Variants in NIPSNAP3B observed in about 807,000 individuals in gnomAD.
The protein encoded by NIPSNAP3B is protein NipSnap homolog 3B.
NIPSNAP3B carries 30 observed loss-of-function variants against 31.5 expected under a neutral mutation model. That is an observed-to-expected ratio of 0.95 (90% confidence interval 0.71 to 1.29). NIPSNAP3B has a LOEUF of 1.29. Among genes scored for constraint, NIPSNAP3B ranks in the 50% most tolerant of loss-of-function variants. The pLI, the probability that NIPSNAP3B is intolerant of heterozygous loss-of-function variation, is 0.00. For missense variants in NIPSNAP3B, 269 were observed against 300.7 expected (o/e 0.89, Z 0.78); for synonymous variants, 106 against 107.9 (o/e 0.98, Z 0.11).
chr9:104,783,815 A>G, the NIPSNAP3B span: 1 of 163,860 alleles, frequency 6.1e-6, no homozygotes, highest in Non-Finnish European at 1.3e-5. Flanking sequence ...AAAACTTGGC[A>G]CTAATAACTC....
the NIPSNAP3B span, chr9:104,787,903 T>C: frequency 1.9e-6 from 3 of 1,613,824 alleles, no homozygotes; most frequent in Non-Finnish European, 2.5e-6. Context: ...CAGTTTTCCA[T>C]CCACAGTTAT....
intron 1 of NIPSNAP3B, 30 bp downstream of exon 1, chr9:104,764,330 T>G (rs1199958579): frequency 6.5e-6 from 10 of 1,547,944 alleles, no homozygotes; most frequent in African/African-American, 1.4e-5. Context: ...GCCCGAGCCC[T>G]GGCCGGAGGG....
At chr9:104,764,344 G>T in intron 1 of NIPSNAP3B, 44 bp downstream of exon 1, 1 of 1,485,114 alleles carries the variant, frequency 6.7e-7, no homozygotes, top group South Asian at 1.2e-5. Context: ...CGGAGGGGAG[G>T]GGAGGGGCGG....
At chr9:104,778,396 A>C (rs1828381743), downstream of NIPSNAP3B, among the ~76,000 whole-genome samples, 1 of 151,978 alleles carries the variant, frequency 6.6e-6, no homozygotes, top group Admixed American at 6.6e-5. Context: ...ATGCCCAGCT[A>C]ATTTTTTTGT....
intron 3 of NIPSNAP3B, 146 bp from the exon 4 acceptor site, chr9:104,770,703 G>C (rs918729113): frequency 3.5e-6 from 2 of 578,116 alleles, no homozygotes; most frequent in Non-Finnish European, 6.0e-6. Flanking sequence ...AAATAATGCA[G>C]AGAATCAATA....
In NIPSNAP3B at chr9:104,774,985, C is replaced by T. The variant is rs1452355729; in HGVS notation, c.*1912C>T. On this transcript the variant is annotated 3_prime_UTR_variant, in exon 6 of 6. Coordinates refer to ENST00000374762, the MANE Select transcript of NIPSNAP3B (RefSeq NM_018376.4). ...CATAAGTTCCCACCCCGTCTGCCCGCTTTCTACAGCCAACCCCACATGCCC... is the reference window on the plus strand; with the variant it reads ...CATAAGTTCCCACCCCGTCTGCCCGTTTTCTACAGCCAACCCCACATGCCC... Among the ~76,000 whole-genome samples the T allele has an allele frequency of 2.6e-5, 4 of 152,168 alleles. No individual in the cohort carries two copies. Among genetic ancestry groups the T allele is most frequent in the African/African-American group, 9.6e-5 (4 of 41,526 alleles).
At chr9:104,788,713 C>T in the NIPSNAP3B span, 2 of 1,072,180 alleles carry the variant, frequency 1.9e-6, no homozygotes, top group Non-Finnish European at 2.8e-6. Flanking sequence ...AGCCTTTCTG[C>T]CCCCAGGATG....
chr9:104,789,184 C>A, the NIPSNAP3B span, among the ~76,000 whole-genome samples: 1 of 152,220 alleles, frequency 6.6e-6, no homozygotes, highest in Non-Finnish European at 1.5e-5. Flanking sequence ...TTAGCACCCC[C>A]AGGGTCAGCC....
At chr9:104,787,710 G>A in the NIPSNAP3B span, 1 of 334,294 alleles carries the variant, frequency 3.0e-6, no homozygotes, top group Non-Finnish European at 4.3e-6. Context: ...AGTGCTTGGA[G>A]TGCCTCTATT....
At chr9:104,766,111 T>TG (rs1169559191) in intron 1 of NIPSNAP3B, among the ~76,000 whole-genome samples, 2 of 152,202 alleles carry the variant, frequency 1.3e-5, no homozygotes, top group African/African-American at 4.8e-5. Context: ...GGTAGACCCC[T>TG]GCTAGGAAAC....
At position 104,764,289 on chromosome 9, in the gene NIPSNAP3B, C is replaced by T; in HGVS notation, c.49C>T (p.Leu17Phe). The stretch of plus-strand genomic sequence containing the variant: ...GACCAAGGCGCTTGCCTCACGGACG[C>T]TCGCGCCTCAGGTACTGGCCGCGGG... Reference protein sequence around the residue: ...GLTKALASRTLAPQVCSSFAT... With the variant: ...GLTKALASRTFAPQVCSSFAT... The change falls in exon 1 of 6, where the codon CTC (leucine) becomes TTC (phenylalanine). Residue 17 changes from leucine (L) to phenylalanine (F), a missense_variant. By Grantham distance (22) the Leu-to-Phe change is conservative (BLOSUM62 0). Coordinates refer to ENST00000374762, the MANE Select transcript of NIPSNAP3B (RefSeq NM_018376.4). 1 of 1,589,540 alleles carries T rather than the reference C, an allele frequency of 6.3e-7. No individual in the cohort carries two copies. Among genetic ancestry groups the T allele is most frequent in the Non-Finnish European group, 8.5e-7 (1 of 1,170,422 alleles).
chr9:104,770,830 AT>A lies in NIPSNAP3B; in HGVS notation c.431-14del. 6.2e-7 allele frequency: 1 copy of A among 1,607,674 alleles called. No individual in the cohort carries two copies. The highest frequency in any genetic ancestry group is 8.5e-7 in the Non-Finnish European group (1 of 1,176,360). ...TTTGAATGTCTTCTGTGAAATAATT[AT>A]TTTTCTCCCTATTCTAGGAGTCTAT... On this transcript the variant is annotated intron_variant, in intron 3 of 5. Coordinates refer to ENST00000374762, the MANE Select transcript of NIPSNAP3B (RefSeq NM_018376.4).
At position 104,766,534 on chromosome 9, in the gene NIPSNAP3B, T is replaced by C. The variant is rs1828095014; in HGVS notation, c.270T>C (p.Tyr90=). The change falls in exon 2 of 6, where the codon TAT becomes TAC. Residue 90 remains tyrosine, a splice_region_variant and synonymous_variant. Transcript: ENST00000374762. ...RTNKVFHIWK[Y]DNFAHRAEVR... Reference sequence around the variant, plus strand: ...ATAAAGTGTTTCATATTTGGAAGTATGGTAAAGAGTCATCCAGTTTTAGTA... The same window carrying C: ...ATAAAGTGTTTCATATTTGGAAGTACGGTAAAGAGTCATCCAGTTTTAGTA... 1.9e-6 allele frequency: 3 copies of C among 1,611,742 alleles called. No homozygotes were observed. Among genetic ancestry groups the C allele is most frequent in the African/African-American group, 2.7e-5 (2 of 75,002 alleles).
In NIPSNAP3B at chr9:104,772,721, T is replaced by C; in HGVS notation, c.581-101T>C. The stretch of plus-strand genomic sequence containing the variant: ...ACATATTTAGTTTTACCTTTTGATT[T>C]TGATTTAAAGAATAAGACAACATTT... On this transcript the variant is annotated intron_variant, in intron 4 of 5. Transcript: ENST00000374762. 14 of 1,385,296 alleles carry C rather than the reference T, an allele frequency of 1.0e-5. No homozygotes were observed. In the South Asian group the frequency reaches 1.7e-4, roughly 17 times the overall value. 85.8% of individuals were successfully genotyped at this position (1,385,296 alleles called of 1,614,324 possible).
chr9:104,773,232 TC>T lies in NIPSNAP3B; in HGVS notation c.*161del. The T allele has an allele frequency of 1.5e-6, 1 of 659,836 alleles. No homozygotes were observed. Among genetic ancestry groups the T allele is most frequent in the Non-Finnish European group, 2.6e-6 (1 of 386,574 alleles). The allele number at this position is 659,836 out of a possible 1,614,324, so 40.9% of individuals were successfully genotyped here. The stretch of plus-strand genomic sequence containing the variant: ...TTGCATTTTTGAAAGTTACATATTC[TC>T]CACTGCTTTAAGAAATAATTCAGTT... On this transcript the variant is annotated 3_prime_UTR_variant, in exon 6 of 6. Coordinates refer to ENST00000374762, the MANE Select transcript of NIPSNAP3B (RefSeq NM_018376.4).
chr9:104,773,211 A>G lies in NIPSNAP3B; in HGVS notation c.*138A>G, dbSNP rs28379689. On this transcript the variant is annotated 3_prime_UTR_variant, in exon 6 of 6. Coordinates refer to ENST00000374762, the MANE Select transcript of NIPSNAP3B (RefSeq NM_018376.4). ...TTAGTTAATTTGCTGTGCTTCTTGCATTTTTGAAAGTTACATATTCTCCAC... is the reference window on the plus strand; with the variant it reads ...TTAGTTAATTTGCTGTGCTTCTTGCGTTTTTGAAAGTTACATATTCTCCAC... The G allele has an allele frequency of 0.035, 28,337 of 813,086 alleles. 1,438 individuals are homozygous for G. The highest frequency in any genetic ancestry group is 0.23 in the East Asian group (8,542 of 37,426). 50.4% of individuals were successfully genotyped at this position (813,086 alleles called of 1,614,324 possible).
chr9:104,771,937 G>A (rs2118798101), intron 4 of NIPSNAP3B, among the ~76,000 whole-genome samples: 2 of 152,122 alleles, frequency 1.3e-5, no homozygotes, highest in Middle Eastern at 6.8e-3. Context: ...GGTGTGAGAT[G>A]GTATCTAATT....
chr9:104,778,233 GCA>G (rs1404739501), downstream of NIPSNAP3B, among the ~76,000 whole-genome samples: 1 of 151,816 alleles, frequency 6.6e-6, no homozygotes, highest in African/African-American at 2.4e-5. Context: ...CCAATAACTT[GCA>G]CACTTTTTTT....
At chr9:104,785,601 C>T in the NIPSNAP3B span, 1 of 1,613,916 alleles carries the variant, frequency 6.2e-7, no homozygotes, top group Non-Finnish European at 8.5e-7. Context: ...CGGGTTGGAC[C>T]CTGCTATTCG....
Sources: gnomAD v4.1 joint callset for allele counts (sites outside exome capture counted in the v4.1 genomes callset) on GRCh38, gnomAD v4.1.1 for gene constraint, MANE v1.5 for transcripts, NCBI Gene and HGNC (gene_info 2026-07-23, HGNC 2026-07-21) for gene names.